CEP128: variants seen among roughly 807,000 people sequenced by gnomAD.
CEP128 encodes the protein centrosomal protein 128, also known as centrosomal protein 128kDa.
Under a neutral mutation model 156.7 loss-of-function variants are expected in CEP128, and 132 were observed. The observed-to-expected ratio is 0.84, with a 90% CI of 0.73 to 0.97. The LOEUF (loss-of-function observed/expected upper bound fraction) is 0.97, where lower values mean the gene tolerates loss of function less well. CEP128 is among the 50% of genes least tolerant of loss of function. The pLI is 0.00. For missense variants in CEP128, 1,252 were observed against 1,281.9 expected, an observed-to-expected ratio of 0.98 and a Z score of 0.36; for synonymous variants, 469 against 448.9, an observed-to-expected ratio of 1.04 and a Z score of -0.57.
intron 19 of CEP128, among the ~76,000 whole-genome samples, chr14:80,667,344 C>A (rs1895658896): frequency 6.6e-6 from 1 of 151,964 alleles, no homozygotes; most frequent in African/African-American, 2.4e-5. Context: ...GTGAATCCAG[C>A]AAATAAATTC....
chr14:80,600,127 T>C (rs563781233), intron 19 of CEP128, among the ~76,000 whole-genome samples: 2 of 152,232 alleles, frequency 1.3e-5, no homozygotes, highest in Non-Finnish European at 2.9e-5. Flanking sequence ...TGGGACACCT[T>C]GAAGTATACC....
downstream of CEP128, among the ~76,000 whole-genome samples, chr14:80,492,100 A>G (rs375223074): frequency 2.6e-4 from 40 of 152,284 alleles, no homozygotes; most frequent in African/African-American, 8.9e-4. Flanking sequence ...GAAAAGGGGG[A>G]AAAAAGCTTG....
chr14:80,602,431 C>T (rs1320210320), intron 19 of CEP128, among the ~76,000 whole-genome samples: 1 of 152,164 alleles, frequency 6.6e-6, no homozygotes, highest in African/African-American at 2.4e-5. Context: ...CAAAGGCATA[C>T]ATTCTCCAAG....
downstream of CEP128, among the ~76,000 whole-genome samples, chr14:80,485,511 C>T (rs149374833): frequency 7.4e-4 from 113 of 151,694 alleles, 1 homozygote; most frequent in Non-Finnish European, 1.4e-3. Context: ...ATTATCATTG[C>T]TAATTAGGAA....
chr14:80,797,439 G>C (rs1486126238), intron 13 of CEP128, among the ~76,000 whole-genome samples: 1 of 152,148 alleles, frequency 6.6e-6, no homozygotes. Context: ...GTTTGAATTT[G>C]TCCTGGATGA....
chr14:80,859,409 AG>A (rs1477429034), intron 9 of CEP128, among the ~76,000 whole-genome samples: 4 of 72,772 alleles, frequency 5.5e-5, no homozygotes, highest in Non-Finnish European at 1.0e-4. Context: ...GGGTGGGGGG[AG>A]GGGGGAGGGA....
intron 13 of CEP128, among the ~76,000 whole-genome samples, chr14:80,823,124 C>A (rs74064552): frequency 0.087 from 13,275 of 152,240 alleles, 1,414 homozygotes; most frequent in African/African-American, 0.25. Flanking sequence ...AAATTCATTT[C>A]TATGTCCTCT....
At chr14:80,572,257 G>A (rs1214200674) in intron 20 of CEP128, among the ~76,000 whole-genome samples, 2 of 152,142 alleles carry the variant, frequency 1.3e-5, no homozygotes, top group African/African-American at 4.8e-5. Context: ...GTGGGGAGAT[G>A]GCCTTAGAAG....
At chr14:80,802,009 A>G (rs1434424582) in intron 13 of CEP128, among the ~76,000 whole-genome samples, 4 of 151,684 alleles carry the variant, frequency 2.6e-5, no homozygotes, top group Non-Finnish European at 5.9e-5. Context: ...GCTAGTCAGA[A>G]TGGCAATTAT....
intron 23 of CEP128, among the ~76,000 whole-genome samples, chr14:80,523,025 T>C (rs4903924): frequency 0.77 from 117,722 of 152,140 alleles, 47,837 homozygotes; most frequent in Middle Eastern, 0.9. Context: ...GTCCTGGTGA[T>C]TGCCACAGGA....
intron 13 of CEP128, among the ~76,000 whole-genome samples, chr14:80,805,400 C>T (rs1884119099): frequency 6.6e-6 from 1 of 152,166 alleles, no homozygotes; most frequent in Non-Finnish European, 1.5e-5. Context: ...GAGGCCTTTG[C>T]AGCAGCAGCT....
intron 4 of CEP128, among the ~76,000 whole-genome samples, chr14:80,909,555 G>A (rs770471098): frequency 3.9e-5 from 6 of 152,118 alleles, no homozygotes; most frequent in Non-Finnish European, 7.4e-5. Flanking sequence ...CATTGAAGAT[G>A]AATAGGATGA....
chr14:80,862,699 TG>T, intron 9 of CEP128, 57 bp downstream of exon 9: 1 of 1,140,550 alleles, frequency 8.8e-7, no homozygotes, highest in Non-Finnish European at 1.3e-6. Context: ...CATTTTAACA[TG>T]GCTAAATAAA....
intron 21 of CEP128, among the ~76,000 whole-genome samples, chr14:80,542,959 T>C (rs1024826366): frequency 1.3e-4 from 20 of 152,346 alleles, no homozygotes; most frequent in Admixed American, 7.2e-4. Flanking sequence ...AGAGATGTCC[T>C]GTGTTCTCAA....
intron 18 of CEP128, among the ~76,000 whole-genome samples, chr14:80,750,557 T>C (rs327449): frequency 0.01 from 1,569 of 152,314 alleles, 34 homozygotes; most frequent in African/African-American, 0.036. Context: ...AGTAATCTCT[T>C]CTAACCCAGT....
At chr14:80,568,853 ACATGAAGGCTGACTTATCCTATATG>A (rs1398025823) in intron 20 of CEP128, among the ~76,000 whole-genome samples, 1 of 152,248 alleles carries the variant, frequency 6.6e-6, no homozygotes, top group Non-Finnish European at 1.5e-5. Flanking sequence ...TGGGAAGCAT[ACATGAAGGCTGACTTATCCTATATG>A]CACTAAAATA....
chr14:80,779,680 C>G (rs999629269), intron 15 of CEP128, among the ~76,000 whole-genome samples: 1 of 152,154 alleles, frequency 6.6e-6, no homozygotes, highest in African/African-American at 2.4e-5. Context: ...TATTCAGAAC[C>G]CCCAAACTTG....
In CEP128 at chr14:80,714,855, A is replaced by T. The variant is rs374183307; in HGVS notation, c.2806+28220T>A. On this transcript the variant is annotated intron_variant, in intron 19 of 24. Transcript: ENST00000555265. ...ATCACTCAAATATCATCTTATCAAA[A>T]AAGCAATTTCCACCCTAAACCAACT... 2.6e-5 allele frequency among the ~76,000 whole-genome samples: 4 copies of T among 152,294 alleles called. No individual in the cohort carries two copies. In the East Asian group the frequency reaches 7.7e-4, roughly 29 times the overall value.
chr14:80,648,279 T>C (rs1595147777), intron 19 of CEP128, among the ~76,000 whole-genome samples: 1 of 152,044 alleles, frequency 6.6e-6, no homozygotes, highest in African/African-American at 2.4e-5. Context: ...CCTGATTTGA[T>C]TTTCCTCAAT....
Sources: allele counts gnomAD v4.1 joint callset (sites outside exome capture counted in the v4.1 genomes callset), GRCh38; gene constraint gnomAD v4.1.1; transcripts MANE v1.5; gene names NCBI Gene and HGNC (gene_info 2026-07-23, HGNC 2026-07-21).